Variants in LIMS2 observed in about 807,000 individuals in gnomAD.
LIMS2 encodes LIM zinc finger domain containing 2.
A neutral mutation model predicts 45.3 loss-of-function variants in LIMS2; 30 were observed. The observed-to-expected ratio is 0.66, with a 90% confidence interval of 0.50 to 0.90. The LOEUF is 0.90. LIMS2 is among the 40% of genes least tolerant of loss of function. The probability of loss-of-function intolerance (pLI) is 0.00; values close to 1 mark genes in which losing one functional copy is unlikely to be tolerated. For missense variants in LIMS2, 485 were observed against 468.7 expected (o/e 1.03, Z -0.32); for synonymous variants, 173 against 188.0 (o/e 0.92, Z 0.65).
At chr2:127,661,955 C>G (rs1684695921) in intron 1 of LIMS2, among the ~76,000 whole-genome samples, 1 of 152,200 alleles carries the variant, frequency 6.6e-6, no homozygotes, top group South Asian at 2.1e-4. Context: ...AGACCTTCCT[C>G]CATCCCAGCC....
At chr2:127,656,333 C>A (rs532763372) in intron 2 of LIMS2, among the ~76,000 whole-genome samples, 1 of 152,228 alleles carries the variant, frequency 6.6e-6, no homozygotes, top group East Asian at 1.9e-4. Flanking sequence ...TCCCCCCAGC[C>A]TCCTGGCCCA....
intron 2 of LIMS2, among the ~76,000 whole-genome samples, chr2:127,656,387 G>A (rs1019095765): frequency 4.0e-5 from 6 of 150,726 alleles, no homozygotes; most frequent in African/African-American, 9.8e-5. Flanking sequence ...TCAGCACAGC[G>A]GCCACAAGCC....
At chr2:127,650,831 G>A (rs1361961341) in intron 4 of LIMS2, 8 of 1,613,872 alleles carry the variant, frequency 5.0e-6, no homozygotes, top group African/African-American at 1.3e-5. Context: ...TGGAGAACAT[G>A]CTGTTCGCCT....
At position 127,654,842 on chromosome 2, in the gene LIMS2, A is replaced by G. The variant is rs1215030183; in HGVS notation, c.226T>C (p.Cys76Arg). 6.2e-7 allele frequency: 1 copy of G among 1,614,164 alleles called. No individual in the cohort carries two copies. The highest frequency in any genetic ancestry group is 1.1e-5 in the South Asian group (1 of 91,090). The change falls in exon 3 of 10, where the codon TGT (cysteine) becomes CGT (arginine). Residue 76 changes from cysteine (C) to arginine (R), a missense_variant. Transcript: ENST00000355119. ...TCACCGGCCTTACCGCAGGATCCAC[A>G]GCACGGAGCAAACAGCATTTGGAAG... ...HDFQMLFAPC[C>R]GSCGEFIIGR... is the part of the protein sequence containing the mutation.
rs762516436 is a variant in LIMS2 at position 127,650,763 on chromosome 2, G to A, written c.359+3661C>T. 3.7e-6 allele frequency: 6 copies of A among 1,613,778 alleles called. No individual in the cohort carries two copies. In the East Asian group the frequency reaches 6.7e-5, roughly 18 times the overall value. ...GAATGGCCTTGAAGTGGCTCCCCCA[G>A]GTCTGATCACCAACTTCTCCCTGGC... On this transcript the variant is annotated intron_variant, in intron 4 of 9. Transcript: ENST00000355119.
rs949596636 is a variant in LIMS2 at position 127,647,898 on chromosome 2, G to A, written c.360-4826C>T. The A allele has an allele frequency of 2.0e-6, 1 of 504,792 alleles. No individual in the cohort carries two copies. Among genetic ancestry groups the A allele is most frequent in the Non-Finnish European group, 2.6e-6 (1 of 390,454 alleles). 31.3% of individuals were successfully genotyped at this position (504,792 alleles called of 1,614,324 possible). On this transcript the variant is annotated intron_variant, in intron 4 of 9. Coordinates refer to ENST00000355119, the MANE Select transcript of LIMS2 (RefSeq NM_001161403.3). The surrounding 1 kb of genome is among the most constrained non-coding windows in gnomAD (Gnocchi z 4.3). ...ACCGTCCCACCGGTACCTGCTCCCT[G>A]TTCTCCCCTGCCTCACAGGCCCTGT...
Position 127,639,436 on chromosome 2 carries a change from G to A in LIMS2, c.879-8C>T, listed in dbSNP as rs760227021. ...AACTCCACAAACTTGTTCCTGAGGAGGAAGCTGAGCTGTCAGCAGAGCCCC... is the reference window on the plus strand; with the variant it reads ...AACTCCACAAACTTGTTCCTGAGGAAGAAGCTGAGCTGTCAGCAGAGCCCC... On this transcript the variant is annotated splice_region_variant and splice_polypyrimidine_tract_variant and intron_variant, in intron 9 of 9. Coordinates refer to ENST00000355119, the MANE Select transcript of LIMS2 (RefSeq NM_001161403.3). The A allele has an allele frequency of 1.4e-5, 22 of 1,613,406 alleles. No homozygotes were observed. Among genetic ancestry groups the A allele is most frequent in the Non-Finnish European group, 1.8e-5 (21 of 1,179,716 alleles).
chr2:127,640,350 C>A (rs892085205), intron 7 of LIMS2, 32 bp from the exon 8 acceptor site: 2 of 1,608,454 alleles, frequency 1.2e-6, no homozygotes, highest in Non-Finnish European at 8.5e-7. Context: ...AGAGTAGCTG[C>A]AGGCAGTCAC....
Position 127,674,034 on chromosome 2 carries a change from C to G in LIMS2, c.11+980G>C, listed in dbSNP as rs555535158. ...ACAAGTTACAGGCTATTTTTGGTTC[C>G]TGGGCTGCCCTGAGACCCCAGGCCA... is the stretch of plus-strand genomic sequence containing the variant. On this transcript the variant is annotated intron_variant, in intron 1 of 9. Transcript: ENST00000355119. 8.8e-4 allele frequency: 351 copies of G among 398,586 alleles called. 3 individuals are homozygous for G. In the East Asian group the frequency reaches 0.017, roughly 19 times the overall value. 24.7% of individuals were successfully genotyped at this position (398,586 alleles called of 1,614,324 possible).
At chr2:127,650,528 G>C (rs1017302761) in intron 4 of LIMS2, 1 of 588,186 alleles carries the variant, frequency 1.7e-6, no homozygotes, top group Non-Finnish European at 3.0e-6. Context: ...TTGTGCTGAA[G>C]TTCAGAATGC....
chr2:127,679,989 A>G (rs528438972), upstream of LIMS2, among the ~76,000 whole-genome samples: 6 of 152,366 alleles, frequency 3.9e-5, no homozygotes, highest in East Asian at 5.8e-4. This position sits in a 1 kb window ranked among gnomAD's most constrained non-coding sequence, Gnocchi z 5.3. Context: ...CGGCCACTCT[A>G]CAAGGCCTGT....
At chr2:127,662,436 G>A (rs548974755) in intron 1 of LIMS2, among the ~76,000 whole-genome samples, 32 of 151,872 alleles carry the variant, frequency 2.1e-4, no homozygotes, top group African/African-American at 6.3e-4. Flanking sequence ...TCCCTGCCCC[G>A]CCTCCATGAA....
rs1683151809 is a variant in LIMS2, at chr2:127,647,727, C to A, written c.360-4655G>T. ...CTCCTGCCAACCTGAAAACAGCACA[C>A]CTGTGTGCCCCTCCCATCTACCATG... On this transcript the variant is annotated intron_variant, in intron 4 of 9. Transcript: ENST00000355119. This position sits in a 1 kb window ranked among gnomAD's most constrained non-coding sequence, Gnocchi z 4.3. Among the ~76,000 whole-genome samples the A allele has an allele frequency of 6.6e-6, 1 of 152,098 alleles. No homozygotes were observed. The highest frequency in any genetic ancestry group is 6.5e-5 in the Admixed American group (1 of 15,284).
At chr2:127,670,463 C>T (rs1685225234) in intron 1 of LIMS2, among the ~76,000 whole-genome samples, 1 of 152,060 alleles carries the variant, frequency 6.6e-6, no homozygotes, top group African/African-American at 2.4e-5. Flanking sequence ...TACTGGTGGC[C>T]AGGGCTGGGA....
At chr2:127,650,930 G>A (rs558800260) in intron 4 of LIMS2, 125 of 1,613,980 alleles carry the variant, frequency 7.7e-5, no homozygotes, top group South Asian at 2.4e-4. Context: ...CCGGGACCCC[G>A]GCCAACGTGT....
intron 4 of LIMS2, chr2:127,643,303 G>T: frequency 1.7e-6 from 1 of 585,198 alleles, no homozygotes; most frequent in Non-Finnish European, 3.1e-6. Flanking sequence ...AATGCTCGAG[G>T]TTACTGTCTC....
upstream of LIMS2, among the ~76,000 whole-genome samples, chr2:127,679,072 G>T (rs569942018): frequency 1.3e-5 from 2 of 152,252 alleles, no homozygotes; most frequent in East Asian, 3.9e-4. The surrounding 1 kb of genome is among the most constrained non-coding windows in gnomAD (Gnocchi z 5.3). Flanking sequence ...CAGGGAGGAG[G>T]TGCGCCACTG....
At chr2:127,639,729 C>G (rs573700542) in intron 9 of LIMS2, among the ~76,000 whole-genome samples, 1 of 152,324 alleles carries the variant, frequency 6.6e-6, no homozygotes, top group Non-Finnish European at 1.5e-5. Context: ...TCCCACACCC[C>G]TCGAGGCTTC....
chr2:127,644,615 C>T (rs1055554522), intron 4 of LIMS2, among the ~76,000 whole-genome samples: 1 of 152,362 alleles, frequency 6.6e-6, no homozygotes, highest in African/African-American at 2.4e-5. Context: ...TCCTGAGCGT[C>T]AGGACAACAC....
Sources: allele counts gnomAD v4.1 joint callset (sites outside exome capture counted in the v4.1 genomes callset), GRCh38; gene constraint gnomAD v4.1.1; non-coding constraint Gnocchi (gnomAD v3.1); transcripts MANE v1.5; gene names NCBI Gene and HGNC (gene_info 2026-07-23, HGNC 2026-07-21).